PRICKLE1: variants seen among roughly 807,000 people sequenced by gnomAD.
PRICKLE1 encodes the protein prickle planar cell polarity protein 1.
In PRICKLE1, 14 loss-of-function variants were observed where a neutral mutation model predicts 70.2. The observed-to-expected ratio is 0.20, with a 90% CI of 0.13 to 0.31. The LOEUF (loss-of-function observed/expected upper bound fraction) is 0.31, where lower values mean the gene tolerates loss of function less well. Ranked by LOEUF, PRICKLE1 falls within the 10% of genes least tolerant of loss-of-function variation. The probability of loss-of-function intolerance (pLI) is 1.00; values close to 1 mark genes in which losing one functional copy is unlikely to be tolerated. For synonymous variants in PRICKLE1, 357 were observed against 379.9 expected (o/e 0.94, Z 0.70); for missense variants, 821 against 1,026.2 (o/e 0.80, Z 2.73).
At chr12:42,567,933 T>C (rs1013587419) in intron 1 of PRICKLE1, among the ~76,000 whole-genome samples, 3 of 152,104 alleles carry the variant, frequency 2.0e-5, no homozygotes, top group Non-Finnish European at 4.4e-5. Context: ...TTGAAAACCT[T>C]CATCTCCTTC....
chr12:42,545,944 T>A (rs1219775310), intron 1 of PRICKLE1, among the ~76,000 whole-genome samples: 1 of 151,384 alleles, frequency 6.6e-6, no homozygotes, highest in Non-Finnish European at 1.5e-5. Flanking sequence ...GTTATTTGAA[T>A]GACTTAGTAA....
intron 1 of PRICKLE1, among the ~76,000 whole-genome samples, chr12:42,512,136 A>C (rs1939523324): frequency 6.6e-6 from 1 of 151,860 alleles, no homozygotes; most frequent in South Asian, 2.1e-4. Flanking sequence ...AAAAAAAGAT[A>C]GGGTTCAGAC....
At chr12:42,519,751 G>T (rs1424305482) in intron 1 of PRICKLE1, among the ~76,000 whole-genome samples, 1 of 152,178 alleles carries the variant, frequency 6.6e-6, no homozygotes, top group African/African-American at 2.4e-5. Context: ...GCTAAAAGGG[G>T]TGGGCTGAGG....
At chr12:42,585,823 A>C (rs185165232) in intron 1 of PRICKLE1, among the ~76,000 whole-genome samples, 2 of 152,270 alleles carry the variant, frequency 1.3e-5, no homozygotes, top group South Asian at 2.1e-4. Flanking sequence ...GGATGTGATT[A>C]CCAGTTACTG....
chr12:42,527,384 T>C (rs1316871380), intron 1 of PRICKLE1, among the ~76,000 whole-genome samples: 3 of 152,174 alleles, frequency 2.0e-5, no homozygotes, highest in African/African-American at 7.2e-5. Context: ...GTGCCTGCCT[T>C]GGCCTCTCAA....
intron 1 of PRICKLE1, among the ~76,000 whole-genome samples, chr12:42,474,102 T>A (rs1262101547): frequency 6.6e-6 from 1 of 151,844 alleles, no homozygotes; most frequent in Non-Finnish European, 1.5e-5. Context: ...TGAAACCCCG[T>A]CTCTACTAAA....
chr12:42,589,446 G>GATCCAGGCTGCC lies in PRICKLE1; in HGVS notation c.-49+7_-49+18dup, dbSNP rs1432743648. On this transcript the variant is annotated intron_variant, in intron 1 of 7. Coordinates refer to ENST00000345127, the MANE Select transcript of PRICKLE1 (RefSeq NM_153026.3). The surrounding 1 kb of genome is among the most constrained non-coding windows in gnomAD (Gnocchi z 5.0). Reference sequence around the variant, plus strand: ...CAGCCCCCTCTGCGGAATCCGCCGGGATCCAGGCTGCCACTCACCTCGCGC... The same window carrying GATCCAGGCTGCC: ...CAGCCCCCTCTGCGGAATCCGCCGGGATCCAGGCTGCCATCCAGGCTGCCACTCACCTCGCGC... 1 of 152,366 alleles carries GATCCAGGCTGCC rather than the reference G, an allele frequency of 6.6e-6. No individual in the cohort carries two copies. The highest frequency in any genetic ancestry group is 1.5e-5 in the Non-Finnish European group (1 of 68,212). 9.4% of individuals were successfully genotyped at this position (152,366 alleles called of 1,614,324 possible).
intron 1 of PRICKLE1, among the ~76,000 whole-genome samples, chr12:42,505,599 C>T (rs1306824420): frequency 6.6e-6 from 1 of 152,064 alleles, no homozygotes; most frequent in Admixed American, 6.6e-5. Context: ...CCATGTCCAG[C>T]TAATTTTTGT....
intron 1 of PRICKLE1, among the ~76,000 whole-genome samples, chr12:42,520,282 C>T (rs1166491986): frequency 6.6e-6 from 1 of 152,128 alleles, no homozygotes; most frequent in Non-Finnish European, 1.5e-5. Flanking sequence ...TGTGCTTTTC[C>T]AGCATAACCT....
chr12:42,468,771 C>T lies in PRICKLE1; in HGVS notation c.443G>A (p.Gly148Asp). 6.2e-7 allele frequency: 1 copy of T among 1,614,146 alleles called. No individual in the cohort carries two copies. Among genetic ancestry groups the T allele is most frequent in the Non-Finnish European group, 8.5e-7 (1 of 1,180,024 alleles). ...AAAACAGGATGGGTGCCAGCACACA[C>T]CAGGGCCCGCACGGGAGGCGAACAC... The part of the protein sequence containing the change: ...VAVFASRAGP[G>D]VCWHPSCFVC... The change falls in exon 5 of 8, where the codon GGT becomes GAT. Residue 148 changes from glycine to aspartate, a missense_variant. Coordinates refer to ENST00000345127, the MANE Select transcript of PRICKLE1 (RefSeq NM_153026.3).
intron 1 of PRICKLE1, among the ~76,000 whole-genome samples, chr12:42,513,957 AT>A (rs1939561341): frequency 1.3e-5 from 2 of 151,958 alleles, no homozygotes; most frequent in South Asian, 4.2e-4. Flanking sequence ...AGATTGCACT[AT>A]TGCACTCCAG....
chr12:42,571,219 T>C (rs944774963), intron 1 of PRICKLE1, among the ~76,000 whole-genome samples: 1 of 152,166 alleles, frequency 6.6e-6, no homozygotes, highest in Admixed American at 6.5e-5. Flanking sequence ...ATGGTAACTT[T>C]TTTCATGTGT....
chr12:42,588,922 T>C (rs1417458091), intron 1 of PRICKLE1, among the ~76,000 whole-genome samples: 6 of 152,208 alleles, frequency 3.9e-5, no homozygotes, highest in African/African-American at 1.4e-4. Context: ...TCCCATTTTT[T>C]CCCTATATCT....
chr12:42,487,763 C>A (rs975156158), intron 1 of PRICKLE1, among the ~76,000 whole-genome samples: 2 of 152,126 alleles, frequency 1.3e-5, no homozygotes, highest in African/African-American at 4.8e-5. Flanking sequence ...CAAAAAATCT[C>A]GGCCAAGCGT....
intron 1 of PRICKLE1, among the ~76,000 whole-genome samples, chr12:42,534,933 C>A (rs769434552): frequency 1.3e-5 from 2 of 152,140 alleles, no homozygotes; most frequent in Non-Finnish European, 2.9e-5. Flanking sequence ...TTTTGACTTC[C>A]TGACATTTAT....
chr12:42,532,188 A>G (rs916269622), intron 1 of PRICKLE1, among the ~76,000 whole-genome samples: 4 of 152,188 alleles, frequency 2.6e-5, no homozygotes, highest in African/African-American at 9.7e-5. Flanking sequence ...AGAAAGAAAT[A>G]ACAATTTTCA....
intron 1 of PRICKLE1, among the ~76,000 whole-genome samples, chr12:42,560,514 TAGAC>T (rs113940507): frequency 0.26 from 40,029 of 151,792 alleles, 7,530 homozygotes; most frequent in African/African-American, 0.54. Context: ...GACTATTTGT[TAGAC>T]AGGGTGGAAA....
intron 1 of PRICKLE1, among the ~76,000 whole-genome samples, chr12:42,517,374 A>C (rs1251950485): frequency 1.6e-5 from 2 of 123,974 alleles, no homozygotes; most frequent in Non-Finnish European, 3.1e-5. Flanking sequence ...GTGCAGTGGC[A>C]TGATCTCAGC....
Position 42,458,334 on chromosome 12 carries a change from G to A in PRICKLE1, c.*1475C>T, listed in dbSNP as rs1289774130. 3 of 152,182 alleles carry A rather than the reference G, an allele frequency of 2.0e-5. No homozygotes were observed. The highest frequency in any genetic ancestry group is 2.9e-5 in the Non-Finnish European group (2 of 68,044). 9.4% of individuals were successfully genotyped at this position (152,182 alleles called of 1,614,324 possible). A position where few individuals can be genotyped will look rare whatever the true frequency, so the allele number is the denominator to read the frequency against. On this transcript the variant is annotated 3_prime_UTR_variant, in exon 8 of 8. Transcript: ENST00000345127. ...GAAGTTATCTGGATACATTTGCAAA[G>A]ATTTATATTCAGAAAGGTAGTTTTG... is the stretch of plus-strand genomic sequence containing the variant.
Sources: gnomAD v4.1 joint callset for allele counts (sites outside exome capture counted in the v4.1 genomes callset) on GRCh38, gnomAD v4.1.1 for gene constraint, Gnocchi (gnomAD v3.1) non-coding constraint, MANE v1.5 for transcripts, NCBI Gene and HGNC (gene_info 2026-07-23, HGNC 2026-07-21) for gene names.